Variants in ALOX5AP observed in about 807,000 individuals in gnomAD.
The protein encoded by ALOX5AP is arachidonate 5-lipoxygenase-activating protein.
Under a neutral mutation model 18.5 loss-of-function variants are expected in ALOX5AP, and 9 were observed. That is an observed-to-expected ratio of 0.49 (90% CI 0.29 to 0.85). The LOEUF is 0.85. Among genes scored for constraint, ALOX5AP ranks in the 40% least tolerant of loss-of-function variants. ALOX5AP has a pLI of 0.08. For missense variants in ALOX5AP, 172 were observed against 202.5 expected (o/e 0.85, Z 0.91); for synonymous variants, 81 against 78.6 (o/e 1.03, Z -0.16).
At chr13:30,724,180 A>G (rs1287203809) in intron 1 of ALOX5AP, among the ~76,000 whole-genome samples, 1 of 152,200 alleles carries the variant, frequency 6.6e-6, no homozygotes, top group Non-Finnish European at 1.5e-5. Flanking sequence ...TTTCATACAA[A>G]TGGAATCATA....
In ALOX5AP at chr13:30,735,643, C is replaced by G; in HGVS notation, c.38C>G (p.Ala13Gly). 1.2e-6 allele frequency: 2 copies of G among 1,614,092 alleles called. No homozygotes were observed. Among genetic ancestry groups the G allele is most frequent in the Non-Finnish European group, 1.7e-6 (2 of 1,180,012 alleles). Reference protein sequence around the residue: ...QETVGNVVLLAIVTLISVVQN... With the variant: ...QETVGNVVLLGIVTLISVVQN... ...ACTGTAGGCAATGTTGTCCTGTTGG[C>G]CATCGTCACCCTCATCAGCGTGGTC... Residue 13 changes from alanine to glycine, a missense_variant, in exon 1 of 5, where the codon GCC becomes GGC. Transcript: ENST00000380490.
intron 1 of ALOX5AP, among the ~76,000 whole-genome samples, chr13:30,738,703 G>A (rs915113174): frequency 6.6e-6 from 1 of 152,206 alleles, no homozygotes; most frequent in African/African-American, 2.4e-5. Flanking sequence ...GAGGGGCTCA[G>A]TGCCCCTGAG....
intron 4 of ALOX5AP, among the ~76,000 whole-genome samples, chr13:30,763,518 C>T (rs1951962881): frequency 6.6e-6 from 1 of 152,190 alleles, no homozygotes; most frequent in South Asian, 2.1e-4. Context: ...ATTTAAACTT[C>T]ACTTCTAACA....
At chr13:30,724,547 G>A (rs1951622424) in intron 1 of ALOX5AP, among the ~76,000 whole-genome samples, 1 of 152,170 alleles carries the variant, frequency 6.6e-6, no homozygotes, top group Admixed American at 6.5e-5. Context: ...TGGAAAAGGA[G>A]GCTGTTTGGA....
At chr13:30,724,664 C>G (rs1439375741) in intron 1 of ALOX5AP, among the ~76,000 whole-genome samples, 1 of 152,222 alleles carries the variant, frequency 6.6e-6, no homozygotes, top group Non-Finnish European at 1.5e-5. Flanking sequence ...GAAACATCTT[C>G]TAGCTACTAT....
chr13:30,725,533 G>A (rs1951633032), intron 1 of ALOX5AP, among the ~76,000 whole-genome samples: 1 of 152,196 alleles, frequency 6.6e-6, no homozygotes, highest in Non-Finnish European at 1.5e-5. Context: ...TGCTCAGCCT[G>A]CCAAGATAGA....
chr13:30,745,297 A>G (rs1489501239), intron 2 of ALOX5AP, among the ~76,000 whole-genome samples: 3 of 152,114 alleles, frequency 2.0e-5, no homozygotes, highest in African/African-American at 7.2e-5. Context: ...GCAGTTTTTC[A>G]TTGGCTGCTT....
chr13:30,727,147 G>A (rs184037240), intron 1 of ALOX5AP, among the ~76,000 whole-genome samples: 97 of 151,890 alleles, frequency 6.4e-4, no homozygotes, highest in African/African-American at 2.1e-3. Flanking sequence ...TCTGCCTCCC[G>A]GGTTCAAGTG....
At chr13:30,751,757 C>T (rs1049117680) in intron 2 of ALOX5AP, among the ~76,000 whole-genome samples, 7 of 152,186 alleles carry the variant, frequency 4.6e-5, no homozygotes, top group Admixed American at 2.0e-4. Flanking sequence ...GCAGGGGCAC[C>T]GCCAGGAACA....
At chr13:30,715,296 G>A (rs534479639) in intron 1 of ALOX5AP, among the ~76,000 whole-genome samples, 1 of 152,216 alleles carries the variant, frequency 6.6e-6, no homozygotes, top group Admixed American at 6.5e-5. Flanking sequence ...TGAGACATTG[G>A]GTACAAAGCA....
intron 1 of ALOX5AP, among the ~76,000 whole-genome samples, chr13:30,737,494 G>A (rs17245449): frequency 6.6e-6 from 1 of 152,158 alleles, no homozygotes; most frequent in African/African-American, 2.4e-5. Flanking sequence ...ATTAAAGATG[G>A]CCAAATGTCT....
chr13:30,738,788 A>G (rs1159477134), intron 1 of ALOX5AP, among the ~76,000 whole-genome samples: 1 of 152,016 alleles, frequency 6.6e-6, no homozygotes, highest in African/African-American at 2.4e-5. Flanking sequence ...TTGTAGGGGG[A>G]GCTGGCAGGC....
chr13:30,728,073 T>C (rs1329270582), intron 1 of ALOX5AP, among the ~76,000 whole-genome samples: 5 of 152,190 alleles, frequency 3.3e-5, no homozygotes, highest in Non-Finnish European at 7.3e-5. Flanking sequence ...GATGAGGGCA[T>C]ACTGGCTCAG....
At chr13:30,741,535 TA>T (rs1951764506) in intron 1 of ALOX5AP, among the ~76,000 whole-genome samples, 1 of 112,584 alleles carries the variant, frequency 8.9e-6, no homozygotes, top group South Asian at 3.5e-4. Context: ...TAGCTAGGAT[TA>T]CAGGCCCCTC....
At chr13:30,759,139 C>T (rs1404440717) in intron 4 of ALOX5AP, among the ~76,000 whole-genome samples, 1 of 152,114 alleles carries the variant, frequency 6.6e-6, no homozygotes, top group East Asian at 1.9e-4. Context: ...TTGGTTTCTT[C>T]CCCATTCATT....
intron 2 of ALOX5AP, among the ~76,000 whole-genome samples, chr13:30,746,270 C>A (rs1951808599): frequency 6.6e-6 from 1 of 152,196 alleles, no homozygotes; most frequent in South Asian, 2.1e-4. Context: ...GCTTGGGCAT[C>A]CCCACCGTGT....
chr13:30,739,967 A>G (rs979397691), intron 1 of ALOX5AP, among the ~76,000 whole-genome samples: 3 of 152,332 alleles, frequency 2.0e-5, no homozygotes, highest in African/African-American at 7.2e-5. Flanking sequence ...CGTTTTACCC[A>G]GCAGTCCTGG....
chr13:30,721,431 T>A (rs1951593057), intron 1 of ALOX5AP, among the ~76,000 whole-genome samples: 1 of 152,192 alleles, frequency 6.6e-6, no homozygotes, highest in Non-Finnish European at 1.5e-5. Context: ...ATCTGTTTTT[T>A]TAAGTGAGAA....
intron 1 of ALOX5AP, among the ~76,000 whole-genome samples, chr13:30,743,134 C>A (rs907103931): frequency 1.3e-4 from 20 of 151,958 alleles, no homozygotes; most frequent in African/African-American, 4.8e-4. Context: ...GTCACAGTCA[C>A]CCTGCTAGGC....
Sources: gnomAD v4.1 joint callset for allele counts (sites outside exome capture counted in the v4.1 genomes callset) on GRCh38, gnomAD v4.1.1 for gene constraint, MANE v1.5 for transcripts, NCBI Gene and HGNC (gene_info 2026-07-23, HGNC 2026-07-21) for gene names.